PITPNC1: variants seen among roughly 807,000 people sequenced by gnomAD.
PITPNC1 encodes the protein phosphatidylinositol transfer protein cytoplasmic 1.
Under a neutral mutation model 44.7 loss-of-function variants are expected in PITPNC1, and 18 were observed. That is an observed-to-expected ratio of 0.40 (90% CI 0.28 to 0.60). PITPNC1 has a LOEUF of 0.60. Ranked by LOEUF, PITPNC1 falls within the 20% of genes least tolerant of loss-of-function variation. The pLI is 0.39. For missense variants in PITPNC1, 290 were observed against 418.4 expected, an observed-to-expected ratio of 0.69 and a Z score of 2.68; for synonymous variants, 141 against 149.6, an observed-to-expected ratio of 0.94 and a Z score of 0.42.
intron 1 of PITPNC1, among the ~76,000 whole-genome samples, chr17:67,470,592 C>T (rs1030884618): frequency 6.6e-6 from 1 of 152,160 alleles, no homozygotes; most frequent in African/African-American, 2.4e-5. Context: ...GGGTCAGCCC[C>T]CCTGCCCGGC....
intron 6 of PITPNC1, among the ~76,000 whole-genome samples, chr17:67,652,975 G>A (rs931989696): frequency 6.6e-6 from 1 of 152,180 alleles, no homozygotes; most frequent in Non-Finnish European, 1.5e-5. Flanking sequence ...TATGATGGGT[G>A]TCCTTATAAA....
chr17:67,481,212 G>A (rs998384051), intron 1 of PITPNC1, among the ~76,000 whole-genome samples: 2 of 152,202 alleles, frequency 1.3e-5, no homozygotes, highest in Non-Finnish European at 2.9e-5. Flanking sequence ...GGCCTGCCTT[G>A]TTATCTTCTA....
At chr17:67,634,429 G>T (rs957430553) in intron 6 of PITPNC1, among the ~76,000 whole-genome samples, 1 of 151,924 alleles carries the variant, frequency 6.6e-6, no homozygotes, top group Admixed American at 6.6e-5. Context: ...AAAATTAGCC[G>T]GCAGGGTGGT....
intron 1 of PITPNC1, among the ~76,000 whole-genome samples, chr17:67,433,318 G>A (rs1281484715): frequency 6.6e-6 from 1 of 152,320 alleles, no homozygotes; most frequent in East Asian, 1.9e-4. Context: ...CGGGCTGCGG[G>A]AGCGAGCCTG....
chr17:67,378,601 C>T (rs1212952344), intron 1 of PITPNC1, among the ~76,000 whole-genome samples: 2 of 152,190 alleles, frequency 1.3e-5, no homozygotes, highest in South Asian at 2.1e-4. Context: ...CCCTCCCCGC[C>T]CTCTGCGGTC....
chr17:67,494,185 T>TTTTCTTTCTTTCTTTCTTTCTTTCTTTC lies in PITPNC1; in HGVS notation c.49-38613_49-38586dup, dbSNP rs1555657747. On this transcript the variant is annotated intron_variant, in intron 1 of 8. Transcript: ENST00000581322. ...CCTCTTTCTTTCTTTCTTTCTTTCT[T>TTTTCTTTCTTTCTTTCTTTCTTTCTTTC]TTTCTTTCTTTCTTTCTTTCTTTCT... Among the ~76,000 whole-genome samples, 362 of 102,458 alleles carry TTTTCTTTCTTTCTTTCTTTCTTTCTTTC rather than the reference T, an allele frequency of 3.5e-3. 10 individuals are homozygous for TTTTCTTTCTTTCTTTCTTTCTTTCTTTC. The highest frequency in any genetic ancestry group is 3.0e-3 in the Non-Finnish European group (146 of 48,722). 67.2% of individuals were successfully genotyped at this position (102,458 alleles called of 152,430 possible).
chr17:67,616,782 T>C (rs1389281821), intron 5 of PITPNC1, among the ~76,000 whole-genome samples: 2 of 152,326 alleles, frequency 1.3e-5, no homozygotes, highest in East Asian at 3.9e-4. Flanking sequence ...GCCTCACCAC[T>C]TTCCCAGGCA....
chr17:67,671,650 G>A (rs902985349), intron 7 of PITPNC1, among the ~76,000 whole-genome samples: 1 of 152,156 alleles, frequency 6.6e-6, no homozygotes, highest in Non-Finnish European at 1.5e-5. Context: ...GAACAGAGAA[G>A]CATGCCACTC....
At chr17:67,455,929 A>G (rs530579588) in intron 1 of PITPNC1, among the ~76,000 whole-genome samples, 1 of 152,342 alleles carries the variant, frequency 6.6e-6, no homozygotes, top group East Asian at 1.9e-4. Context: ...CAATTCAAAT[A>G]TATAAAACAT....
intron 5 of PITPNC1, among the ~76,000 whole-genome samples, chr17:67,584,099 T>C (rs2041278157): frequency 6.6e-6 from 1 of 152,048 alleles, no homozygotes; most frequent in African/African-American, 2.4e-5. Context: ...CTGAGAACTA[T>C]AGATTTAAAG....
intron 1 of PITPNC1, among the ~76,000 whole-genome samples, chr17:67,492,654 C>G (rs1303255432): frequency 6.6e-6 from 1 of 152,184 alleles, no homozygotes; most frequent in African/African-American, 2.4e-5. Flanking sequence ...GAAACTCCCC[C>G]TCAAGCCTAG....
intron 1 of PITPNC1, among the ~76,000 whole-genome samples, chr17:67,382,734 C>T (rs1354220334): frequency 6.6e-6 from 1 of 152,046 alleles, no homozygotes; most frequent in Non-Finnish European, 1.5e-5. Flanking sequence ...AAGCAAGTCT[C>T]CTGCCTCAGC....
At chr17:67,459,012 C>A (rs1264576128) in intron 1 of PITPNC1, among the ~76,000 whole-genome samples, 1 of 151,954 alleles carries the variant, frequency 6.6e-6, no homozygotes, top group Non-Finnish European at 1.5e-5. Flanking sequence ...TTCTCCTAGA[C>A]CCCTGTACCA....
intron 6 of PITPNC1, among the ~76,000 whole-genome samples, chr17:67,633,197 C>CCACCA (rs1306997420): frequency 1.3e-5 from 2 of 152,158 alleles, no homozygotes; most frequent in African/African-American, 4.8e-5. Context: ...TGGTTAGCGA[C>CCACCA]ATGCCACCAA....
chr17:67,393,346 C>A (rs74605560), intron 1 of PITPNC1, among the ~76,000 whole-genome samples: 1,648 of 152,120 alleles, frequency 0.011, 25 homozygotes, highest in African/African-American at 0.034. Context: ...CCCAAAGCCC[C>A]TGGCAACCAC....
At chr17:67,585,665 T>G (rs551802204) in intron 5 of PITPNC1, among the ~76,000 whole-genome samples, 81 of 152,176 alleles carry the variant, frequency 5.3e-4, no homozygotes, top group African/African-American at 1.9e-3. Context: ...ACTAGCCAGA[T>G]GTGGTGGCAC....
intron 2 of PITPNC1, among the ~76,000 whole-genome samples, chr17:67,536,482 C>T (rs1416150821): frequency 6.6e-6 from 1 of 152,156 alleles, no homozygotes; most frequent in Non-Finnish European, 1.5e-5. Flanking sequence ...CAGCCTCGGC[C>T]TCCCAAAGTG....
chr17:67,679,660 A>G (rs2042667434), intron 8 of PITPNC1, among the ~76,000 whole-genome samples: 1 of 152,114 alleles, frequency 6.6e-6, no homozygotes, highest in African/African-American at 2.4e-5. Context: ...CCCTAAAGAG[A>G]TTTTATTCTG....
intron 2 of PITPNC1, among the ~76,000 whole-genome samples, chr17:67,548,982 A>T (rs1383787721): frequency 1.3e-5 from 2 of 152,210 alleles, no homozygotes; most frequent in Admixed American, 1.3e-4. Context: ...GGGAAAAATA[A>T]ATTTTACTTT....
Sources: gnomAD v4.1 joint callset for allele counts (sites outside exome capture counted in the v4.1 genomes callset) on GRCh38, gnomAD v4.1.1 for gene constraint, MANE v1.5 for transcripts, NCBI Gene and HGNC (gene_info 2026-07-23, HGNC 2026-07-21) for gene names.